Variants in ATP2B2 observed in about 807,000 individuals in gnomAD.
ATP2B2 encodes the protein ATPase plasma membrane Ca2+ transporting 2, also known as plasma membrane calcium-transporting ATPase 2.
A neutral mutation model predicts 120.0 loss-of-function variants in ATP2B2; 15 were observed. The ratio of observed to expected loss-of-function variants is 0.12; its 90% CI spans 0.08 to 0.19. The LOEUF (loss-of-function observed/expected upper bound fraction) is 0.19. Among genes scored for constraint, ATP2B2 ranks in the 10% least tolerant of loss-of-function variants. The pLI, the probability that ATP2B2 is intolerant of heterozygous loss-of-function variation, is 1.00. For synonymous variants in ATP2B2, 694 were observed against 700.3 expected (o/e 0.99, Z 0.14); for missense variants, 1,045 against 1,719.8 (o/e 0.61, Z 6.94).
In ATP2B2 at chr3:10,595,920, C is replaced by A. The variant is rs2068753983; in HGVS notation, c.-415+23997G>T. ...GTCCCCTTTGAGCACCATACTCTAG[C>A]CACATCAAGCTCCCTGCTGCTCCTC... On this transcript the variant is annotated intron_variant, in intron 2 of 21. Transcript: ENST00000646379. Among the ~76,000 whole-genome samples, 3 of 152,282 alleles carry A rather than the reference C, an allele frequency of 2.0e-5. No individual in the cohort carries two copies. The South Asian group carries it at 6.2e-4, about 32-fold the overall frequency.
At chr3:10,479,761 G>A (rs886795009) in intron 1 of ATP2B2, among the ~76,000 whole-genome samples, 1 of 152,122 alleles carries the variant, frequency 6.6e-6, no homozygotes, top group Non-Finnish European at 1.5e-5. Context: ...AGGAGGAAAG[G>A]AAGAGAGAGA....
intron 2 of ATP2B2, among the ~76,000 whole-genome samples, chr3:10,576,248 G>T (rs548234616): frequency 6.6e-6 from 1 of 152,286 alleles, no homozygotes; most frequent in East Asian, 1.9e-4. Context: ...CGCACACTCG[G>T]CAGAACGTCC....
intron 3 of ATP2B2, among the ~76,000 whole-genome samples, chr3:10,528,414 C>T (rs1000138982): frequency 1.3e-5 from 2 of 152,186 alleles, no homozygotes; most frequent in African/African-American, 4.8e-5. Context: ...CCCCACCCAC[C>T]TTGCCTCTGG....
intron 1 of ATP2B2, among the ~76,000 whole-genome samples, chr3:10,688,376 G>A (rs2071574844): frequency 6.6e-6 from 1 of 152,198 alleles, no homozygotes; most frequent in Non-Finnish European, 1.5e-5. Flanking sequence ...GGCCCCTAAG[G>A]AGCTTGTCAT....
intron 3 of ATP2B2, among the ~76,000 whole-genome samples, chr3:10,407,432 C>T (rs546588964): frequency 8.5e-5 from 13 of 152,304 alleles, no homozygotes; most frequent in African/African-American, 2.4e-4. Context: ...CTCTGGCCTG[C>T]GCTCCCTCCT....
chr3:10,390,417 C>T (rs2124889959), intron 5 of ATP2B2, among the ~76,000 whole-genome samples: 1 of 152,222 alleles, frequency 6.6e-6, no homozygotes, highest in Non-Finnish European at 1.5e-5. Context: ...GTATCACCCA[C>T]CTTGTCCCTT....
intron 2 of ATP2B2, among the ~76,000 whole-genome samples, chr3:10,414,376 G>A (rs760639234): frequency 9.9e-5 from 15 of 152,214 alleles, no homozygotes; most frequent in Non-Finnish European, 1.8e-4. Context: ...CTGAGTCCCA[G>A]GACAGCAGAC....
chr3:10,474,335 G>A (rs1342567350), intron 1 of ATP2B2, among the ~76,000 whole-genome samples: 2 of 152,212 alleles, frequency 1.3e-5, no homozygotes. Flanking sequence ...GAGATGCCAA[G>A]TGGGCAGTTG....
intron 2 of ATP2B2, among the ~76,000 whole-genome samples, chr3:10,588,119 C>T (rs990948401): frequency 3.3e-5 from 5 of 152,088 alleles, no homozygotes; most frequent in South Asian, 2.1e-4. Context: ...ACATGTTCAC[C>T]GTATTTCAGG....
At chr3:10,688,041 C>A (rs969329594) in intron 1 of ATP2B2, among the ~76,000 whole-genome samples, 1 of 152,118 alleles carries the variant, frequency 6.6e-6, no homozygotes, top group Non-Finnish European at 1.5e-5. Context: ...ATTCATATTA[C>A]ATATTCATTA....
chr3:10,533,481 C>G (rs1297453578), intron 3 of ATP2B2, among the ~76,000 whole-genome samples: 1 of 152,182 alleles, frequency 6.6e-6, no homozygotes, highest in Non-Finnish European at 1.5e-5. Flanking sequence ...GTATTTGAAC[C>G]TGGGACTGAG....
intron 1 of ATP2B2, among the ~76,000 whole-genome samples, chr3:10,457,586 A>G (rs1422549676): frequency 1.0e-4 from 15 of 148,980 alleles, no homozygotes; most frequent in Admixed American, 1.0e-3. Flanking sequence ...GAGAGAGAGC[A>G]AGCCCAAGAT....
intron 1 of ATP2B2, among the ~76,000 whole-genome samples, chr3:10,460,063 T>G (rs2064422577): frequency 6.6e-6 from 1 of 152,262 alleles, no homozygotes; most frequent in South Asian, 2.1e-4. Context: ...TGGTGAGGCC[T>G]CAGGCTTCAC....
At chr3:10,333,750 A>T (rs2060043356) in intron 22 of ATP2B2, among the ~76,000 whole-genome samples, 1 of 152,130 alleles carries the variant, frequency 6.6e-6, no homozygotes, top group African/African-American at 2.4e-5. Context: ...GGGAGAGGCA[A>T]GATGGTGAGC....
At chr3:10,468,034 C>G (rs1416461171) in intron 1 of ATP2B2, among the ~76,000 whole-genome samples, 2 of 152,200 alleles carry the variant, frequency 1.3e-5, no homozygotes, top group African/African-American at 4.8e-5. Flanking sequence ...CACATGACCT[C>G]GACACTCAAT....
intron 1 of ATP2B2, among the ~76,000 whole-genome samples, chr3:10,630,917 C>T (rs1005435864): frequency 1.3e-5 from 2 of 151,992 alleles, no homozygotes; most frequent in South Asian, 2.1e-4. Context: ...TTTGGTTTCT[C>T]GATGGCACAG....
intron 1 of ATP2B2, among the ~76,000 whole-genome samples, chr3:10,478,315 TG>T (rs1453978538): frequency 3.9e-5 from 6 of 152,242 alleles, no homozygotes; most frequent in Admixed American, 1.3e-4. Flanking sequence ...TCTCATTCCA[TG>T]GGTTGTCTTT....
intron 2 of ATP2B2, among the ~76,000 whole-genome samples, chr3:10,541,472 C>T (rs2067438395): frequency 6.6e-6 from 1 of 152,144 alleles, no homozygotes; most frequent in Non-Finnish European, 1.5e-5. Flanking sequence ...TTTTAACTGT[C>T]ATTCAATTTG....
intron 1 of ATP2B2, among the ~76,000 whole-genome samples, chr3:10,486,781 A>T (rs568979380): frequency 4.6e-5 from 7 of 152,122 alleles, no homozygotes; most frequent in East Asian, 1.9e-4. Flanking sequence ...GTGCAGTGGC[A>T]TGATCTTGGC....
Sources: gnomAD v4.1 joint callset for allele counts (sites outside exome capture counted in the v4.1 genomes callset) on GRCh38, gnomAD v4.1.1 for gene constraint, MANE v1.5 for transcripts, NCBI Gene and HGNC (gene_info 2026-07-23, HGNC 2026-07-21) for gene names.